Variants in HIVEP3 observed in about 807,000 individuals in gnomAD.
The protein encoded by HIVEP3 is HIVEP zinc finger 3.
Under a neutral mutation model 152.8 loss-of-function variants are expected in HIVEP3, and 49 were observed. The ratio of observed to expected loss-of-function variants is 0.32; its 90% CI spans 0.26 to 0.41. The LOEUF is 0.41. Ranked by LOEUF, HIVEP3 falls within the 10% of genes least tolerant of loss-of-function variation. The probability of loss-of-function intolerance (pLI) is 1.00; values close to 1 mark genes in which losing one functional copy is unlikely to be tolerated. For synonymous variants in HIVEP3, 1,269 were observed against 1,289.0 expected (o/e 0.98, Z 0.33); for missense variants, 2,790 against 3,103.3 (o/e 0.90, Z 2.40).
intron 2 of HIVEP3, among the ~76,000 whole-genome samples, chr1:41,681,303 A>G (rs1646035258): frequency 1.3e-5 from 2 of 152,148 alleles, no homozygotes; most frequent in East Asian, 1.9e-4. Context: ...TTTGTTACCC[A>G]GGCTAGTCTT....
chr1:41,527,132 ACC>A (rs1642985389), intron 5 of HIVEP3, among the ~76,000 whole-genome samples: 1 of 98,190 alleles, frequency 1.0e-5, no homozygotes. Flanking sequence ...CCTCACACAC[ACC>A]CTCACACACC....
At chr1:41,596,013 CA>C (rs1324594286) in intron 3 of HIVEP3, among the ~76,000 whole-genome samples, 1 of 151,876 alleles carries the variant, frequency 6.6e-6, no homozygotes, top group East Asian at 1.9e-4. Flanking sequence ...ATACAAGGTT[CA>C]ATGTACGCAA....
rs577073878 is a variant in HIVEP3, at chr1:41,540,015, C to T, written c.5208-15105G>A. Among the ~76,000 whole-genome samples the T allele has an allele frequency of 1.7e-3, 253 of 152,302 alleles. 1 individual carries two copies. The highest frequency in any genetic ancestry group is 5.9e-3 in the African/African-American group (245 of 41,558). ...GACTGGCTTAGAAAAGCCTCAGTGC[C>T]CGGCTCTAAAATTCAGCCAGCGTCT... On this transcript the variant is annotated intron_variant, in intron 5 of 8. Coordinates refer to ENST00000372583, the MANE Select transcript of HIVEP3 (RefSeq NM_024503.5).
At chr1:41,651,944 A>G (rs1168443089) in intron 2 of HIVEP3, among the ~76,000 whole-genome samples, 1 of 152,216 alleles carries the variant, frequency 6.6e-6, no homozygotes, top group African/African-American at 2.4e-5. Context: ...CTATGTTTTT[A>G]GTTAGTTGAT....
At chr1:41,777,770 G>A (rs1027705695) in intron 1 of HIVEP3, among the ~76,000 whole-genome samples, 4 of 152,346 alleles carry the variant, frequency 2.6e-5, no homozygotes, top group East Asian at 3.9e-4. Flanking sequence ...AGTATCAGGC[G>A]CTTTCCTACA....
intron 5 of HIVEP3, among the ~76,000 whole-genome samples, chr1:41,529,416 C>A (rs1323793553): frequency 1.2e-4 from 17 of 145,340 alleles, no homozygotes; most frequent in African/African-American, 4.4e-4. Context: ...ACCCCACACC[C>A]TCACACACAC....
At chr1:41,930,094 T>TA (rs1644989213) in intron 1 of HIVEP3, among the ~76,000 whole-genome samples, 1 of 152,188 alleles carries the variant, frequency 6.6e-6, no homozygotes, top group South Asian at 2.1e-4. Context: ...GCAATGCAGT[T>TA]AGATTCATTT....
chr1:42,012,335 CA>C (rs1645497435), intron 1 of HIVEP3, among the ~76,000 whole-genome samples: 1 of 152,142 alleles, frequency 6.6e-6, no homozygotes, highest in Non-Finnish European at 1.5e-5. Flanking sequence ...CCCTAACCTC[CA>C]ATGTGATGTT....
intron 1 of HIVEP3, among the ~76,000 whole-genome samples, chr1:41,799,329 G>A (rs77230604): frequency 3.3e-5 from 5 of 151,874 alleles, no homozygotes; most frequent in African/African-American, 7.3e-5. Context: ...TCTGACATTC[G>A]CCCTAGAACT....
intron 3 of HIVEP3, among the ~76,000 whole-genome samples, chr1:41,620,757 T>A (rs1372681270): frequency 2.6e-5 from 4 of 152,134 alleles, no homozygotes. Flanking sequence ...TCCACTCTCC[T>A]TTGTCCTCAT....
intron 1 of HIVEP3, among the ~76,000 whole-genome samples, chr1:42,006,042 G>A (rs751775748): frequency 6.6e-6 from 1 of 152,094 alleles, no homozygotes; most frequent in Non-Finnish European, 1.5e-5. Context: ...TTAAGGTCAC[G>A]ACAAGTTAAA....
At chr1:41,518,541 G>C in intron 6 of HIVEP3, 53 bp from the exon 7 acceptor site, 1 of 1,516,452 alleles carries the variant, frequency 6.6e-7, no homozygotes, top group Non-Finnish European at 9.2e-7. Context: ...AGGCCAGGGC[G>C]GACCCAGGGC....
intron 5 of HIVEP3, among the ~76,000 whole-genome samples, chr1:41,545,045 T>C (rs990113325): frequency 0.015 from 311 of 21,168 alleles, no homozygotes; most frequent in African/African-American, 0.017. Flanking sequence ...CCAATACCAC[T>C]ACCACCACCA....
At chr1:41,885,083 A>G (rs1644323502) in intron 1 of HIVEP3, among the ~76,000 whole-genome samples, 2 of 152,188 alleles carry the variant, frequency 1.3e-5, no homozygotes, top group Admixed American at 1.3e-4. Flanking sequence ...GCTGAGAACC[A>G]TGTTCCAGTC....
At chr1:41,784,167 C>T (rs1649211042) in intron 1 of HIVEP3, among the ~76,000 whole-genome samples, 2 of 152,132 alleles carry the variant, frequency 1.3e-5, no homozygotes, top group Admixed American at 6.5e-5. Context: ...CCTCCCCTGC[C>T]CTAGAGCAGG....
chr1:41,703,253 C>T (rs1646389081), intron 1 of HIVEP3, among the ~76,000 whole-genome samples: 1 of 152,170 alleles, frequency 6.6e-6, no homozygotes, highest in South Asian at 2.1e-4. Context: ...ATCATTCATT[C>T]TTGATTCTCA....
At chr1:41,710,755 C>T (rs1430695899) in intron 1 of HIVEP3, among the ~76,000 whole-genome samples, 1 of 152,220 alleles carries the variant, frequency 6.6e-6, no homozygotes, top group Non-Finnish European at 1.5e-5. Flanking sequence ...CTGCCGTGGC[C>T]TCACACCCCA....
intron 1 of HIVEP3, among the ~76,000 whole-genome samples, chr1:41,744,974 G>T (rs558860494): frequency 3.2e-4 from 48 of 152,166 alleles, no homozygotes; most frequent in Non-Finnish European, 4.7e-4. Context: ...GAAGCCAGTG[G>T]CGTGGATCTC....
intron 1 of HIVEP3, among the ~76,000 whole-genome samples, chr1:41,898,462 ATAACTTC>A (rs1455639603): frequency 6.6e-6 from 1 of 152,228 alleles, no homozygotes; most frequent in African/African-American, 2.4e-5. Flanking sequence ...GCAAAGGCTC[ATAACTTC>A]TATCCACAGG....
Sources: allele counts gnomAD v4.1 joint callset (sites outside exome capture counted in the v4.1 genomes callset), GRCh38; gene constraint gnomAD v4.1.1; transcripts MANE v1.5; gene names NCBI Gene and HGNC (gene_info 2026-07-23, HGNC 2026-07-21).